The following PLCB4 variants were observed in gnomAD, a reference collection of about 807,000 sequenced individuals.
PLCB4 encodes 1-phosphatidylinositol 4,5-bisphosphate phosphodiesterase beta-4.
Under a neutral mutation model 178.8 loss-of-function variants are expected in PLCB4, and 77 were observed. The observed-to-expected ratio is 0.43, with a 90% confidence interval of 0.36 to 0.52. PLCB4 has a LOEUF of 0.52. Among genes scored for constraint, PLCB4 ranks in the 20% least tolerant of loss-of-function variants. PLCB4 has a pLI of 0.00. For missense variants in PLCB4, 1,024 were observed against 1,453.4 expected (o/e 0.70, Z 4.80); for synonymous variants, 496 against 490.8 (o/e 1.01, Z -0.14).
At position 9,393,586 on chromosome 20, in the gene PLCB4, A is replaced by G; in HGVS notation, c.1324-2A>G. 1 of 1,594,350 alleles carries G rather than the reference A, an allele frequency of 6.3e-7. No homozygotes were observed. Among genetic ancestry groups the G allele is most frequent in the Non-Finnish European group, 8.6e-7 (1 of 1,162,280 alleles). The stretch of plus-strand genomic sequence containing the variant: ...AATTCAGCTCTTTCTGTTTCTCTCT[A>G]GCTTGAACCAGGCAGGGCTTTGCCA... On this transcript the variant is annotated splice_acceptor_variant, in intron 17 of 39. Transcript: ENST00000378473. LOFTEE classifies it high-confidence loss of function.
chr20:9,278,303 C>G (rs1191804477), intron 3 of PLCB4, among the ~76,000 whole-genome samples: 1 of 152,008 alleles, frequency 6.6e-6, no homozygotes, highest in Non-Finnish European at 1.5e-5. Context: ...TCACGACAGT[C>G]CAGTTGGAAA....
intron 9 of PLCB4, among the ~76,000 whole-genome samples, chr20:9,368,679 G>T (rs554391553): frequency 1.3e-5 from 2 of 152,142 alleles, no homozygotes; most frequent in Admixed American, 6.5e-5. Context: ...TTCAGAACAC[G>T]GTGTTAAAAC....
At chr20:9,377,885 T>G (rs1433459824) in intron 12 of PLCB4, among the ~76,000 whole-genome samples, 1 of 152,176 alleles carries the variant, frequency 6.6e-6, no homozygotes, top group African/African-American at 2.4e-5. Context: ...GGTAAAGTGA[T>G]TCTTATACTT....
At chr20:9,353,924 T>C (rs2034561374) in intron 7 of PLCB4, among the ~76,000 whole-genome samples, 1 of 152,212 alleles carries the variant, frequency 6.6e-6, no homozygotes, top group Non-Finnish European at 1.5e-5. Context: ...AAAGTAGACC[T>C]GTGTCTGGTT....
intron 1 of PLCB4, among the ~76,000 whole-genome samples, chr20:9,071,878 A>G (rs935471758): frequency 3.3e-5 from 5 of 152,218 alleles, no homozygotes; most frequent in Non-Finnish European, 7.3e-5. Flanking sequence ...GTGAAACAGC[A>G]TGTTGATTAG....
intron 2 of PLCB4, among the ~76,000 whole-genome samples, chr20:9,120,311 AT>A (rs2091914903): frequency 6.6e-6 from 1 of 152,006 alleles, no homozygotes. Flanking sequence ...TCAAATTCCC[AT>A]TTCATCTGTT....
chr20:9,307,215 C>T (rs1204992455), intron 3 of PLCB4, among the ~76,000 whole-genome samples: 4 of 152,070 alleles, frequency 2.6e-5, no homozygotes, highest in African/African-American at 9.7e-5. Flanking sequence ...GTCTCAAAAT[C>T]AGAAGTTCTC....
chr20:9,135,195 A>G (rs74865249), intron 2 of PLCB4, among the ~76,000 whole-genome samples: 1 of 152,114 alleles, frequency 6.6e-6, no homozygotes, highest in Non-Finnish European at 1.5e-5. Flanking sequence ...TTATTTGTCA[A>G]GTATACCTCA....
chr20:9,302,485 G>A (rs910344025), intron 3 of PLCB4, among the ~76,000 whole-genome samples: 2 of 152,094 alleles, frequency 1.3e-5, no homozygotes, highest in Non-Finnish European at 2.9e-5. Flanking sequence ...GTTTTCCACA[G>A]ATAGCACAAA....
intron 2 of PLCB4, among the ~76,000 whole-genome samples, chr20:9,121,976 T>C (rs2091973326): frequency 6.6e-6 from 1 of 152,196 alleles, no homozygotes; most frequent in Non-Finnish European, 1.5e-5. Context: ...GACTTTCAAA[T>C]AGAAATGTTA....
At chr20:9,374,359 T>C (rs1220208069) in intron 12 of PLCB4, among the ~76,000 whole-genome samples, 1 of 152,256 alleles carries the variant, frequency 6.6e-6, no homozygotes, top group Non-Finnish European at 1.5e-5. Context: ...TTTACCCAGA[T>C]ACTATCCACG....
chr20:9,115,428 T>C, intron 2 of PLCB4, among the ~76,000 whole-genome samples: 1 of 140,660 alleles, frequency 7.1e-6, no homozygotes, highest in East Asian at 3.5e-4. Flanking sequence ...TTAAAACTTC[T>C]TCTTCTTTTT....
At chr20:9,279,407 G>C (rs2094475398) in intron 3 of PLCB4, among the ~76,000 whole-genome samples, 1 of 151,978 alleles carries the variant, frequency 6.6e-6, no homozygotes. Flanking sequence ...GGATTTAAAG[G>C]AAGAGAGAAT....
chr20:9,077,731 T>G (rs1160006426), intron 1 of PLCB4, among the ~76,000 whole-genome samples: 3 of 152,182 alleles, frequency 2.0e-5, no homozygotes, highest in Non-Finnish European at 4.4e-5. Context: ...CCCTTTAATC[T>G]GTTGTTAGAG....
intron 3 of PLCB4, among the ~76,000 whole-genome samples, chr20:9,254,911 C>A (rs2094218299): frequency 6.6e-6 from 1 of 152,120 alleles, no homozygotes; most frequent in Non-Finnish European, 1.5e-5. Context: ...ATACTATCAA[C>A]TTTCTAGTAT....
intron 3 of PLCB4, among the ~76,000 whole-genome samples, chr20:9,294,953 A>C (rs945154742): frequency 2.0e-5 from 3 of 152,174 alleles, no homozygotes; most frequent in African/African-American, 4.8e-5. Flanking sequence ...AATAACTCAA[A>C]GAGTATTCCT....
chr20:9,263,024 T>C (rs2094313433), intron 3 of PLCB4, among the ~76,000 whole-genome samples: 1 of 152,144 alleles, frequency 6.6e-6, no homozygotes, highest in African/African-American at 2.4e-5. Flanking sequence ...TGTTTCTCTG[T>C]ATACATGAGG....
intron 9 of PLCB4, among the ~76,000 whole-genome samples, chr20:9,366,931 ATCTG>A (rs2148266523): frequency 6.6e-6 from 1 of 152,322 alleles, no homozygotes; most frequent in African/African-American, 2.4e-5. Flanking sequence ...CTTAGAATTG[ATCTG>A]TCTTTCAGAA....
At chr20:9,160,453 G>A (rs2146977360) in intron 2 of PLCB4, among the ~76,000 whole-genome samples, 2 of 152,300 alleles carry the variant, frequency 1.3e-5, no homozygotes, top group Middle Eastern at 3.4e-3. Context: ...AACGCACAGA[G>A]TTAAATTGGG....
Sources: allele counts gnomAD v4.1 joint callset (sites outside exome capture counted in the v4.1 genomes callset), GRCh38; gene constraint gnomAD v4.1.1; transcripts MANE v1.5; gene names NCBI Gene and HGNC (gene_info 2026-07-23, HGNC 2026-07-21).